The following MMS22L variants were observed in gnomAD, a reference collection of about 807,000 sequenced individuals.
MMS22L encodes MMS22 like, DNA repair protein.
MMS22L carries 74 observed loss-of-function variants against 159.1 expected under a neutral mutation model. The observed-to-expected ratio is 0.47, with a 90% CI of 0.39 to 0.56. The LOEUF is 0.56. MMS22L is among the 20% of genes least tolerant of loss of function. The pLI, the probability that MMS22L is intolerant of heterozygous loss-of-function variation, is 0.00. For missense variants in MMS22L, 1,351 were observed against 1,422.1 expected (o/e 0.95, Z 0.80); for synonymous variants, 517 against 506.9 (o/e 1.02, Z -0.27).
At position 97,279,468 on chromosome 6, in the gene MMS22L, A is replaced by G. The variant is rs187372224; in HGVS notation, c.291-570T>C. ...CACTGCACTCCAGCCTGGGCAACAGAGCAAGACTTCGTCTCAAAAAAAAAA... is the reference window on the plus strand; with the variant it reads ...CACTGCACTCCAGCCTGGGCAACAGGGCAAGACTTCGTCTCAAAAAAAAAA... On this transcript the variant is annotated intron_variant, in intron 3 of 24. Transcript: ENST00000683635. Among the ~76,000 whole-genome samples, 93 of 148,986 alleles carry G rather than the reference A, an allele frequency of 6.2e-4. 1 individual carries two copies. The highest frequency in any genetic ancestry group is 2.3e-3 in the African/African-American group (92 of 40,068).
Position 97,144,218 on chromosome 6 carries a change from AAAG to A in MMS22L, c.*2585_*2587del, listed in dbSNP as rs760815844. 1.3e-5 allele frequency: 2 copies of A among 152,186 alleles called. No individual in the cohort carries two copies. Among genetic ancestry groups the A allele is most frequent in the African/African-American group, 4.8e-5 (2 of 41,390 alleles). 9.4% of individuals were successfully genotyped at this position (152,186 alleles called of 1,614,324 possible). A position where few individuals can be genotyped will look rare whatever the true frequency, so the allele number is the denominator to read the frequency against. ...GTCGTATCTTACGACTGGGGACAGGAAAGAAGACCATGAAGGTGCTCTCAAGAT... is the reference window on the plus strand; with the variant it reads ...GTCGTATCTTACGACTGGGGACAGGAAAGACCATGAAGGTGCTCTCAAGAT... On this transcript the variant is annotated 3_prime_UTR_variant, in exon 25 of 25. Transcript: ENST00000683635.
rs1816729300 is a variant in MMS22L at position 97,281,222 on chromosome 6, A to G, written c.290+15T>C. The G allele has an allele frequency of 2.5e-6, 4 of 1,598,122 alleles. No individual in the cohort carries two copies. The highest frequency in any genetic ancestry group is 1.1e-5 in the South Asian group (1 of 87,670). ...ACAACACCTACACTCACAGAAAGTTATAACGAAGAAATACCTGAATAAATG... is the reference window on the plus strand; with the variant it reads ...ACAACACCTACACTCACAGAAAGTTGTAACGAAGAAATACCTGAATAAATG... On this transcript the variant is annotated intron_variant, in intron 3 of 24. Coordinates refer to ENST00000683635, the MANE Select transcript of MMS22L (RefSeq NM_001350599.2).
chr6:97,228,889 C>T lies in MMS22L; in HGVS notation c.2039+5G>A. On this transcript the variant is annotated splice_donor_5th_base_variant and intron_variant, in intron 14 of 24. Coordinates refer to ENST00000683635, the MANE Select transcript of MMS22L (RefSeq NM_001350599.2). Reference sequence around the variant, plus strand: ...CATAAATTAGCATACAACTGAAAACCATACCTGATTCTGGCCAGAACAGCT... The same window carrying T: ...CATAAATTAGCATACAACTGAAAACTATACCTGATTCTGGCCAGAACAGCT... The T allele has an allele frequency of 6.3e-7, 1 of 1,599,198 alleles. No homozygotes were observed. The highest frequency in any genetic ancestry group is 8.5e-7 in the Non-Finnish European group (1 of 1,172,790).
At chr6:97,267,187 T>C (rs1183533832) in intron 8 of MMS22L, 1 of 152,166 alleles carries the variant, frequency 6.6e-6, no homozygotes, top group African/African-American at 2.4e-5. Context: ...CACTAAATTG[T>C]AAAAATATTG....
intron 3 of MMS22L, among the ~76,000 whole-genome samples, chr6:97,279,180 C>G (rs1397531491): frequency 6.6e-6 from 1 of 152,188 alleles, no homozygotes; most frequent in African/African-American, 2.4e-5. Context: ...CAGCAAGATA[C>G]TGTTTATATC....
intron 22 of MMS22L, among the ~76,000 whole-genome samples, chr6:97,152,892 G>C (rs539599589): frequency 6.8e-6 from 1 of 148,046 alleles, no homozygotes; most frequent in African/African-American, 2.5e-5. Context: ...GGCTAGAGAA[G>C]TGGTGTGATG....
At chr6:97,219,419 C>T (rs896695591) in intron 14 of MMS22L, among the ~76,000 whole-genome samples, 1 of 152,180 alleles carries the variant, frequency 6.6e-6, no homozygotes, top group African/African-American at 2.4e-5. Context: ...CTGCTATCCA[C>T]TACATTATCC....
chr6:97,268,331 C>T (rs1347591457), intron 7 of MMS22L, among the ~76,000 whole-genome samples: 1 of 151,862 alleles, frequency 6.6e-6, no homozygotes, highest in Admixed American at 6.6e-5. Flanking sequence ...ACTATAGGCA[C>T]CCGCCACCTC....
At chr6:97,219,599 T>C (rs962621131) in intron 14 of MMS22L, among the ~76,000 whole-genome samples, 5 of 152,194 alleles carry the variant, frequency 3.3e-5, no homozygotes, top group Non-Finnish European at 4.4e-5. Flanking sequence ...GTGGATATTA[T>C]TTTACAAAGA....
intron 10 of MMS22L, among the ~76,000 whole-genome samples, chr6:97,250,653 C>T (rs554385300): frequency 2.0e-5 from 3 of 152,202 alleles, no homozygotes; most frequent in East Asian, 1.9e-4. Context: ...CAGGCCTACA[C>T]TAAGAAATTG....
intron 19 of MMS22L, among the ~76,000 whole-genome samples, chr6:97,172,363 G>T (rs1301716123): frequency 6.6e-6 from 1 of 151,650 alleles, no homozygotes; most frequent in Non-Finnish European, 1.5e-5. Flanking sequence ...TAAGATTAAA[G>T]GGAACAGATA....
In MMS22L at chr6:97,224,675, T is replaced by C. The variant is rs113393762; in HGVS notation, c.2039+4219A>G. On this transcript the variant is annotated intron_variant, in intron 14 of 24. Transcript: ENST00000683635. ...GTAAAAGCACTCAGAATTATACAAATAGTGGTAATAATTTCAGGTTTGCAA... is the reference window on the plus strand; with the variant it reads ...GTAAAAGCACTCAGAATTATACAAACAGTGGTAATAATTTCAGGTTTGCAA... Among the ~76,000 whole-genome samples, 1,101 of 151,588 alleles carry C rather than the reference T, an allele frequency of 7.3e-3. 16 individuals carry two copies. Among genetic ancestry groups the C allele is most frequent in the African/African-American group, 0.025 (1,028 of 41,396 alleles).
At chr6:97,194,720 A>G (rs1489073809) in intron 14 of MMS22L, among the ~76,000 whole-genome samples, 1 of 152,210 alleles carries the variant, frequency 6.6e-6, no homozygotes, top group East Asian at 1.9e-4. Flanking sequence ...AAAACAAAGT[A>G]TAAGATTGTT....
At chr6:97,230,486 TA>T (rs772044047) in intron 13 of MMS22L, 1 of 152,062 alleles carries the variant, frequency 6.6e-6, no homozygotes, top group Non-Finnish European at 1.5e-5. Context: ...TATAAATACT[TA>T]AAAGCTGACA....
chr6:97,245,927 CTCT>C lies in MMS22L; in HGVS notation c.1182+698_1182+700del, dbSNP rs758772365. Reference sequence around the variant, plus strand: ...TATTATACTACAATATTTTTTATTCCTCTTCAAGTTTTAAATAATCTTTATTTC... The same window carrying C: ...TATTATACTACAATATTTTTTATTCCTCAAGTTTTAAATAATCTTTATTTC... On this transcript the variant is annotated intron_variant, in intron 11 of 24. Transcript: ENST00000683635. 2.7e-3 allele frequency: 676 copies of C among 250,578 alleles called. 2 individuals carry two copies. Among genetic ancestry groups the C allele is most frequent in the African/African-American group, 0.013 (581 of 43,494 alleles). 15.5% of individuals were successfully genotyped at this position (250,578 alleles called of 1,614,324 possible).
chr6:97,206,463 T>C (rs1350357696), intron 14 of MMS22L, among the ~76,000 whole-genome samples: 3 of 151,566 alleles, frequency 2.0e-5, no homozygotes, highest in Non-Finnish European at 4.4e-5. Flanking sequence ...ATTTAAAAAC[T>C]TCAATATAAG....
chr6:97,224,349 A>G (rs1809990063), intron 14 of MMS22L, among the ~76,000 whole-genome samples: 2 of 152,176 alleles, frequency 1.3e-5, no homozygotes, highest in African/African-American at 4.8e-5. Flanking sequence ...TTTGCAAGAA[A>G]TATTTTTCTA....
chr6:97,161,321 G>A (rs1802411658), intron 22 of MMS22L, among the ~76,000 whole-genome samples: 1 of 151,956 alleles, frequency 6.6e-6, no homozygotes, highest in Non-Finnish European at 1.5e-5. Flanking sequence ...CAGCTGTTAA[G>A]CTCCACTAAT....
chr6:97,226,681 T>A (rs1810287238), intron 14 of MMS22L, among the ~76,000 whole-genome samples: 1 of 151,872 alleles, frequency 6.6e-6, no homozygotes, highest in African/African-American at 2.4e-5. Flanking sequence ...TGTATATATA[T>A]AAAAATACAT....
Sources: allele counts gnomAD v4.1 joint callset (sites outside exome capture counted in the v4.1 genomes callset), GRCh38; gene constraint gnomAD v4.1.1; transcripts MANE v1.5; gene names NCBI Gene and HGNC (gene_info 2026-07-23, HGNC 2026-07-21).